The following IGF1R variants were observed in gnomAD, a reference collection of about 807,000 sequenced individuals.
IGF1R encodes insulin like growth factor 1 receptor.
IGF1R carries 44 observed loss-of-function variants against 144.6 expected under a neutral mutation model. That is an observed-to-expected ratio of 0.30 (90% confidence interval 0.24 to 0.39). IGF1R has a LOEUF of 0.39. Among genes scored for constraint, IGF1R ranks in the 10% least tolerant of loss-of-function variants. IGF1R has a pLI of 1.00. For missense variants in IGF1R, 1,355 were observed against 1,833.7 expected (o/e 0.74, Z 4.77); for synonymous variants, 795 against 722.8 (o/e 1.10, Z -1.60).
chr15:98,784,620 T>C (rs374915644), intron 2 of IGF1R: 2 of 154,216 alleles, frequency 1.3e-5, no homozygotes, highest in East Asian at 3.9e-4. Context: ...TAATCTCTTA[T>C]GTAAAACTGC....
Position 98,648,985 on chromosome 15 carries a change from C to CGCGGCG in IGF1R, c.-587_-582dup, listed in dbSNP as rs1302853533. 4.7e-5 allele frequency: 10 copies of CGCGGCG among 210,718 alleles called. No homozygotes were observed. The highest frequency in any genetic ancestry group is 1.2e-4 in the African/African-American group (5 of 42,362). 13.1% of individuals were successfully genotyped at this position (210,718 alleles called of 1,614,324 possible). On this transcript the variant is annotated 5_prime_UTR_variant, in exon 1 of 21. Transcript: ENST00000650285. The stretch of plus-strand genomic sequence containing the variant: ...GTCCTGGATTTGGGAAGGAGCTCGC[C>CGCGGCG]GCGGCGGCGGCGGCGCTGAGGGAGG...
intron 1 of IGF1R, among the ~76,000 whole-genome samples, chr15:98,691,806 G>T (rs1197204250): frequency 6.6e-6 from 1 of 152,150 alleles, no homozygotes; most frequent in Non-Finnish European, 1.5e-5. Flanking sequence ...CAGTGTATGC[G>T]TGGGGACATA....
At position 98,962,001 on chromosome 15, in the gene IGF1R, G is replaced by A. The variant is rs894110684; in HGVS notation, c.*4559G>A. On this transcript the variant is annotated 3_prime_UTR_variant, in exon 21 of 21. Coordinates refer to ENST00000650285, the MANE Select transcript of IGF1R (RefSeq NM_000875.5). ...GTGCTTTGGGATAAAAGATTTATGA[G>A]CCAACTATTCTCTGGCACCAGATTC... 4.3e-6 allele frequency: 1 copy of A among 233,176 alleles called. No homozygotes were observed. The highest frequency in any genetic ancestry group is 2.2e-5 in the African/African-American group (1 of 45,338). 14.4% of individuals were successfully genotyped at this position (233,176 alleles called of 1,614,324 possible).
chr15:98,935,141 C>A lies in IGF1R; in HGVS notation c.3186+88C>A. 3 of 1,198,032 alleles carry A rather than the reference C, an allele frequency of 2.5e-6. No individual in the cohort carries two copies. Among genetic ancestry groups the A allele is most frequent in the Non-Finnish European group, 1.2e-6 (1 of 814,934 alleles). 74.2% of individuals were successfully genotyped at this position (1,198,032 alleles called of 1,614,324 possible). On this transcript the variant is annotated intron_variant, in intron 16 of 20. Transcript: ENST00000650285. The surrounding 1 kb of genome is among the most constrained non-coding windows in gnomAD (Gnocchi z 4.2). ...CAGTATGTTCTTGGCTGCATGTACC[C>A]GTGGGTTTGGTGTCTTGCCTTTGCC... is the stretch of plus-strand genomic sequence containing the variant.
In IGF1R at chr15:98,962,872, C is replaced by G. The variant is rs985207458; in HGVS notation, c.*5430C>G. 4.3e-6 allele frequency: 1 copy of G among 233,600 alleles called. No individual in the cohort carries two copies. The highest frequency in any genetic ancestry group is 2.2e-5 in the African/African-American group (1 of 45,334). 14.5% of individuals were successfully genotyped at this position (233,600 alleles called of 1,614,324 possible). On this transcript the variant is annotated 3_prime_UTR_variant, in exon 21 of 21. Coordinates refer to ENST00000650285, the MANE Select transcript of IGF1R (RefSeq NM_000875.5). ...AATTGTTCAAGAACACAAACTACATCGCACTCGTCAGTTGTCAGTTCTGGG... is the reference window on the plus strand; with the variant it reads ...AATTGTTCAAGAACACAAACTACATGGCACTCGTCAGTTGTCAGTTCTGGG...
At chr15:98,879,007 A>T (rs2013228588) in intron 2 of IGF1R, among the ~76,000 whole-genome samples, 2 of 152,058 alleles carry the variant, frequency 1.3e-5, no homozygotes, top group Non-Finnish European at 1.5e-5. Flanking sequence ...AAGAAAAAAA[A>T]AATAGGGGGG....
chr15:98,799,321 C>A (rs1219837930), intron 2 of IGF1R, among the ~76,000 whole-genome samples: 1 of 150,764 alleles, frequency 6.6e-6, no homozygotes, highest in African/African-American at 2.4e-5. Context: ...CTGAAGGTTT[C>A]TTTGTAAGAG....
chr15:98,916,615 A>G, intron 9 of IGF1R, 57 bp from the exon 10 acceptor site: 1 of 1,426,204 alleles, frequency 7.0e-7, no homozygotes, highest in South Asian at 1.1e-5. Context: ...TTTTCCTTAC[A>G]AGCATGTATA....
At chr15:98,838,270 A>G (rs923376763) in intron 2 of IGF1R, among the ~76,000 whole-genome samples, 1 of 152,136 alleles carries the variant, frequency 6.6e-6, no homozygotes, top group Non-Finnish European at 1.5e-5. Context: ...TTCAGCAGGG[A>G]TGGTGGCCAA....
chr15:98,854,431 A>T (rs8034273), intron 2 of IGF1R, among the ~76,000 whole-genome samples: 3 of 152,178 alleles, frequency 2.0e-5, no homozygotes, highest in Non-Finnish European at 4.4e-5. Context: ...TCCTGGGCTC[A>T]TGAGGTGCCT....
At chr15:98,657,845 A>T (rs2052520163) in intron 1 of IGF1R, among the ~76,000 whole-genome samples, 1 of 152,146 alleles carries the variant, frequency 6.6e-6, no homozygotes, top group Non-Finnish European at 1.5e-5. Flanking sequence ...GAGACTCATT[A>T]ATTGAATGTT....
At chr15:98,718,026 GT>G (rs2054162399) in intron 2 of IGF1R, among the ~76,000 whole-genome samples, 1 of 152,258 alleles carries the variant, frequency 6.6e-6, no homozygotes, top group South Asian at 2.1e-4. Flanking sequence ...CTCTTCTCCT[GT>G]TTTGTTTAGT....
chr15:98,756,058 T>A (rs2141343791), intron 2 of IGF1R, among the ~76,000 whole-genome samples: 1 of 152,266 alleles, frequency 6.6e-6, no homozygotes, highest in South Asian at 2.1e-4. Flanking sequence ...ATGTTGCTAT[T>A]TGATTTGCTA....
chr15:98,916,532 G>A lies in IGF1R; in HGVS notation c.1997-140G>A. 3 of 815,194 alleles carry A rather than the reference G, an allele frequency of 3.7e-6. No homozygotes were observed. The South Asian group carries it at 4.4e-5, about 12-fold the overall frequency. 50.5% of individuals were successfully genotyped at this position (815,194 alleles called of 1,614,324 possible). A position where few individuals can be genotyped will look rare whatever the true frequency, so the allele number is the denominator to read the frequency against. Reference sequence around the variant, plus strand: ...CCGCCTCGGCCTCCCAAAGTGCTGGGATTATAGCCTTGAGCCACCACATCT... The same window carrying A: ...CCGCCTCGGCCTCCCAAAGTGCTGGAATTATAGCCTTGAGCCACCACATCT... On this transcript the variant is annotated intron_variant, in intron 9 of 20. Coordinates refer to ENST00000650285, the MANE Select transcript of IGF1R (RefSeq NM_000875.5).
intron 2 of IGF1R, among the ~76,000 whole-genome samples, chr15:98,843,306 T>TA (rs147416153): frequency 6.6e-6 from 1 of 152,336 alleles, no homozygotes; most frequent in Non-Finnish European, 1.5e-5. Flanking sequence ...TTTTTTCTCT[T>TA]ACCTGCATAA....
At chr15:98,664,320 C>T (rs750065485) in intron 1 of IGF1R, among the ~76,000 whole-genome samples, 1 of 152,050 alleles carries the variant, frequency 6.6e-6, no homozygotes, top group Non-Finnish European at 1.5e-5. Context: ...TACCGGGGCA[C>T]GTTATTGACC....
chr15:98,911,210 C>CAT, intron 6 of IGF1R, 105 bp from the exon 7 acceptor site: 3 of 1,311,066 alleles, frequency 2.3e-6, no homozygotes, highest in Non-Finnish European at 3.3e-6. Flanking sequence ...GGGAACTTAG[C>CAT]ATATACAGCC....
chr15:98,812,352 G>GA (rs2056609564), intron 2 of IGF1R, among the ~76,000 whole-genome samples: 1 of 150,062 alleles, frequency 6.7e-6, no homozygotes, highest in Non-Finnish European at 1.5e-5. Context: ...TGTTGTTCTT[G>GA]AAAAAGCTTT....
In IGF1R at chr15:98,813,036, A is replaced by G. The variant is rs138065327; in HGVS notation, c.641-78289A>G. ...GCTGGTGAATTGGAAGCTTCTCGTC[A>G]TCCCCCTTGGCTGGGGCGAGGCTTA... is the stretch of plus-strand genomic sequence containing the variant. On this transcript the variant is annotated intron_variant, in intron 2 of 20. Transcript: ENST00000650285. Among the ~76,000 whole-genome samples, 879 of 152,260 alleles carry G rather than the reference A, an allele frequency of 5.8e-3. 13 individuals carry two copies. The highest frequency in any genetic ancestry group is 0.057 in the East Asian group (295 of 5,176).
Sources: allele counts gnomAD v4.1 joint callset (sites outside exome capture counted in the v4.1 genomes callset), GRCh38; gene constraint gnomAD v4.1.1; non-coding constraint Gnocchi (gnomAD v3.1); transcripts MANE v1.5; gene names NCBI Gene and HGNC (gene_info 2026-07-23, HGNC 2026-07-21).